ZNF701: variants seen among roughly 807,000 people sequenced by gnomAD.
The protein encoded by ZNF701 is zinc finger protein 701.
ZNF701 carries 6 observed loss-of-function variants against 7.1 expected under a neutral mutation model. That is an observed-to-expected ratio of 0.84 (90% CI 0.46 to 1.66). ZNF701 has a LOEUF of 1.66. ZNF701 is among the 40% of genes most tolerant of loss of function. The pLI is 0.01. For synonymous variants in ZNF701, 166 were observed against 188.2 expected (o/e 0.88, Z 0.97); for missense variants, 541 against 559.2 (o/e 0.97, Z 0.33).
rs1277582732 is a variant in ZNF701, at chr19:52,582,822, A to G, written c.763A>G (p.Lys255Glu). The G allele has an allele frequency of 6.2e-7, 1 of 1,614,196 alleles. No individual in the cohort carries two copies. Among genetic ancestry groups the G allele is most frequent in the South Asian group, 1.1e-5 (1 of 91,084 alleles). ...TGTATGCGGCAAGGACTTTCATCAG[A>G]AGCGATACCTTGCATGCCATAGATG... Reference protein sequence around the residue: ...CDVCGKDFHQKRYLACHRCHT... With the variant: ...CDVCGKDFHQERYLACHRCHT... Residue 255 changes from lysine to glutamate, a missense_variant, in exon 4 of 4, where the codon AAG (lysine) becomes GAG (glutamate). Transcript: ENST00000391785.
Position 52,584,782 on chromosome 19 carries a change from C to T in ZNF701, c.*1325C>T, listed in dbSNP as rs1393781926. 1 of 152,218 alleles carries T rather than the reference C, an allele frequency of 6.6e-6. No homozygotes were observed. The highest frequency in any genetic ancestry group is 2.4e-5 in the African/African-American group (1 of 41,446). The allele number at this position is 152,218 out of a possible 1,614,324, so 9.4% of individuals were successfully genotyped here. A position where few individuals can be genotyped will look rare whatever the true frequency, so the allele number is the denominator to read the frequency against. ...GCTGCTATTGCATTGTGCAAATCCA[C>T]TGAATGTGTTGATTAGTTCCAGTAG... On this transcript the variant is annotated 3_prime_UTR_variant, in exon 4 of 4. Transcript: ENST00000391785.
the ZNF701 span, chr19:52,596,031 A>G: frequency 6.7e-7 from 1 of 1,489,848 alleles, no homozygotes; most frequent in Non-Finnish European, 9.4e-7. Context: ...CTCAAAACCC[A>G]TATTTCTATT....
Position 52,584,589 on chromosome 19 carries a change from GTTT to G in ZNF701, c.*1135_*1137del, listed in dbSNP as rs1043647948. 2.6e-5 allele frequency: 4 copies of G among 152,114 alleles called. No individual in the cohort carries two copies. Among genetic ancestry groups the G allele is most frequent in the African/African-American group, 9.7e-5 (4 of 41,408 alleles). The allele number at this position is 152,114 out of a possible 1,614,324, so 9.4% of individuals were successfully genotyped here. On this transcript the variant is annotated 3_prime_UTR_variant, in exon 4 of 4. Coordinates refer to ENST00000391785, the MANE Select transcript of ZNF701 (RefSeq NM_018260.3). ...CCATCAATGTGGGTTGTATATATAT[GTTT>G]TTAATCATTTTGGTTAATGTTTGTA... is the stretch of plus-strand genomic sequence containing the variant.
Position 52,582,544 on chromosome 19 carries a change from A to G in ZNF701, c.485A>G (p.Asn162Ser), listed in dbSNP as rs369286217. The change falls in exon 4 of 4, where the codon AAT becomes AGT. Residue 162 changes from asparagine (N) to serine (S), a missense_variant. Coordinates refer to ENST00000391785, the MANE Select transcript of ZNF701 (RefSeq NM_018260.3). ...HIFHPEGKIG[N>S]QVEKAINDAF... ...TTTCACCCCGAAGGGAAAATTGGTA[A>G]TCAAGTTGAGAAGGCTATCAACGAT... is the stretch of plus-strand genomic sequence containing the variant. 2 of 1,614,080 alleles carry G rather than the reference A, an allele frequency of 1.2e-6. No individual in the cohort carries two copies. The highest frequency in any genetic ancestry group is 2.7e-5 in the African/African-American group (2 of 74,936).
chr19:52,582,058 C>G (rs1386179352), intron 3 of ZNF701, 144 bp from the exon 4 acceptor site: 1 of 631,450 alleles, frequency 1.6e-6, no homozygotes, highest in Non-Finnish European at 2.5e-6. Flanking sequence ...ATTAAAGGAT[C>G]TTACTCCTTT....
intron 1 of ZNF701, among the ~76,000 whole-genome samples, chr19:52,573,624 C>T (rs1171500464): frequency 1.3e-5 from 2 of 152,094 alleles, no homozygotes; most frequent in African/African-American, 2.4e-5. Context: ...TCCTCCCCCT[C>T]AGCTTCCTAA....
the ZNF701 span, chr19:52,596,662 C>T: frequency 2.2e-6 from 1 of 457,322 alleles, no homozygotes; most frequent in Non-Finnish European, 4.4e-6. Flanking sequence ...TTATGCCTTG[C>T]ACAACATCAG....
chr19:52,575,572 C>T (rs950438871), intron 2 of ZNF701: 21 of 350,642 alleles, frequency 6.0e-5, no homozygotes, highest in African/African-American at 4.1e-4. Context: ...GCAATCGCAG[C>T]TCACTGAAAC....
In ZNF701 at chr19:52,585,267, C is replaced by G. The variant is rs2060002721; in HGVS notation, c.*1810C>G. On this transcript the variant is annotated 3_prime_UTR_variant, in exon 4 of 4. Transcript: ENST00000391785. ...CCTCACCAGCGAGTTGGACTCTCGCCCTGGGCTCCTCATCGGCGCCTGGAG... is the reference window on the plus strand; with the variant it reads ...CCTCACCAGCGAGTTGGACTCTCGCGCTGGGCTCCTCATCGGCGCCTGGAG... 1.0e-5 allele frequency: 1 copy of G among 95,424 alleles called. No homozygotes were observed. The allele number at this position is 95,424 out of a possible 1,614,324, so 5.9% of individuals were successfully genotyped here.
chr19:52,590,767 C>A (rs2147007071), downstream of ZNF701, among the ~76,000 whole-genome samples: 1 of 152,232 alleles, frequency 6.6e-6, no homozygotes, highest in Non-Finnish European at 1.5e-5. Flanking sequence ...AATCTCCTAA[C>A]TGAAGTTAAT....
chr19:52,594,906 C>G, the ZNF701 span, among the ~76,000 whole-genome samples: 1 of 152,204 alleles, frequency 6.6e-6, no homozygotes, highest in Non-Finnish European at 1.5e-5. Context: ...CTCTAAGCAG[C>G]AGTCACTGCT....
Position 52,571,494 on chromosome 19 carries a change from A to G in ZNF701, c.-72+1164A>G, listed in dbSNP as rs1162291954. Among the ~76,000 whole-genome samples the G allele has an allele frequency of 2.6e-5, 4 of 152,118 alleles. No homozygotes were observed. In the East Asian group the frequency reaches 7.7e-4, roughly 29 times the overall value. ...AATTGGGGAGAAGGAGCAACAAGAG[A>G]TTAAATAAGACGTGAGGATGGAGCC... On this transcript the variant is annotated intron_variant, in intron 1 of 3. Transcript: ENST00000391785.
At chr19:52,587,547 C>G (rs2060019537), downstream of ZNF701, among the ~76,000 whole-genome samples, 1 of 152,142 alleles carries the variant, frequency 6.6e-6, no homozygotes, top group Non-Finnish European at 1.5e-5. Flanking sequence ...CTCCCACAGC[C>G]CCCCACTTGA....
intron 1 of ZNF701, chr19:52,572,103 A>T: frequency 1.0e-5 from 3 of 287,686 alleles, no homozygotes; most frequent in South Asian, 8.3e-5. Context: ...GATTATAGGC[A>T]TGAGCCACCG....
downstream of ZNF701, among the ~76,000 whole-genome samples, chr19:52,589,074 C>T (rs1379525010): frequency 6.6e-6 from 1 of 152,170 alleles, no homozygotes; most frequent in Non-Finnish European, 1.5e-5. Context: ...AGAATTCCTG[C>T]AAAACTGATT....
chr19:52,596,287 G>A, the ZNF701 span: 2 of 425,394 alleles, frequency 4.7e-6, no homozygotes, highest in East Asian at 1.2e-4. Context: ...AACCTTACAA[G>A]TGTAATGAGT....
intron 1 of ZNF701, among the ~76,000 whole-genome samples, chr19:52,573,859 G>A (rs934648039): frequency 2.0e-5 from 3 of 152,210 alleles, no homozygotes; most frequent in Non-Finnish European, 4.4e-5. Context: ...GCCCTGAAAG[G>A]GAGCTCATTC....
At chr19:52,598,407 CCT>C in the ZNF701 span, among the ~76,000 whole-genome samples, 1 of 152,144 alleles carries the variant, frequency 6.6e-6, no homozygotes, top group Middle Eastern at 3.4e-3. Flanking sequence ...GGCGAGCTCC[CCT>C]CTGTCTGGGG....
Position 52,582,313 on chromosome 19 carries a change from C to T in ZNF701, c.254C>T (p.Thr85Ile). 6.2e-7 allele frequency: 1 copy of T among 1,614,044 alleles called. No homozygotes were observed. The highest frequency in any genetic ancestry group is 1.3e-5 in the African/African-American group (1 of 75,042). ...QIHASHHIGD[T>I]CFQEIEKDIH... ...CATGCAAGTCATCACATTGGAGATA[C>T]TTGCTTCCAGGAAATTGAGAAAGAT... The change falls in exon 4 of 4, where the codon ACT becomes ATT. Residue 85 changes from threonine (T) to isoleucine (I), a missense_variant. Thr to Ile is a moderately conservative substitution (Grantham distance 89, BLOSUM62 -1). Coordinates refer to ENST00000391785, the MANE Select transcript of ZNF701 (RefSeq NM_018260.3).
Sources: allele counts gnomAD v4.1 joint callset (sites outside exome capture counted in the v4.1 genomes callset), GRCh38; gene constraint gnomAD v4.1.1; transcripts MANE v1.5; gene names NCBI Gene and HGNC (gene_info 2026-07-23, HGNC 2026-07-21).